The following PDE4B variants were observed in gnomAD, a reference collection of about 807,000 sequenced individuals.
The protein encoded by PDE4B is phosphodiesterase 4B.
A neutral mutation model predicts 82.2 loss-of-function variants in PDE4B; 20 were observed. The observed-to-expected ratio is 0.24, with a 90% CI of 0.17 to 0.35. The LOEUF (loss-of-function observed/expected upper bound fraction) is 0.35. PDE4B is among the 10% of genes least tolerant of loss of function. The pLI, the probability that PDE4B is intolerant of heterozygous loss-of-function variation, is 1.00. For missense variants in PDE4B, 655 were observed against 907.2 expected, an observed-to-expected ratio of 0.72 and a Z score of 3.57; for synonymous variants, 320 against 318.9, an observed-to-expected ratio of 1.00 and a Z score of -0.04.
intron 8 of PDE4B, among the ~76,000 whole-genome samples, chr1:66,348,382 C>A (rs1016085661): frequency 3.9e-5 from 6 of 152,126 alleles, no homozygotes; most frequent in Non-Finnish European, 8.8e-5. Context: ...AGATCATCAT[C>A]TCAAATCTTC....
intron 3 of PDE4B, among the ~76,000 whole-genome samples, chr1:66,166,725 C>T (rs1332662424): frequency 1.4e-5 from 2 of 145,686 alleles, no homozygotes; most frequent in Non-Finnish European, 3.0e-5. Flanking sequence ...TAGAGCAAGA[C>T]TCTGTCTCAA....
chr1:66,042,271 T>C (rs952442890), intron 3 of PDE4B, among the ~76,000 whole-genome samples: 3 of 151,862 alleles, frequency 2.0e-5, no homozygotes, highest in African/African-American at 7.2e-5. Flanking sequence ...GTTTTCCTCA[T>C]GTGTTTTCCA....
intron 3 of PDE4B, among the ~76,000 whole-genome samples, chr1:66,084,730 T>G (rs1570182431): frequency 6.6e-6 from 1 of 152,104 alleles, no homozygotes; most frequent in Non-Finnish European, 1.5e-5. Context: ...TTTTTTCAGG[T>G]ATGTGATAGT....
intron 8 of PDE4B, among the ~76,000 whole-genome samples, chr1:66,343,139 T>C (rs554720111): frequency 6.6e-6 from 1 of 152,168 alleles, no homozygotes; most frequent in Non-Finnish European, 1.5e-5. Context: ...GCTAGGAGAA[T>C]CATTTGTGTA....
At chr1:66,265,926 A>G (rs112403783) in intron 6 of PDE4B, 112 bp from the exon 7 acceptor site, 27 of 776,234 alleles carry the variant, frequency 3.5e-5, no homozygotes, top group African/African-American at 1.5e-4. Context: ...ATGTCACTAC[A>G]TAGTTCATTA....
intron 7 of PDE4B, among the ~76,000 whole-genome samples, chr1:66,311,807 G>A (rs1455646838): frequency 6.6e-6 from 1 of 152,214 alleles, no homozygotes; most frequent in Admixed American, 6.5e-5. Flanking sequence ...ATGGTACAGT[G>A]GCAGAGAGTG....
At chr1:65,898,509 G>A (rs181674797) in intron 1 of PDE4B, among the ~76,000 whole-genome samples, 33 of 152,064 alleles carry the variant, frequency 2.2e-4, no homozygotes, top group African/African-American at 7.9e-4. Context: ...CATAGCCAAA[G>A]CAAGACTAAG....
intron 3 of PDE4B, among the ~76,000 whole-genome samples, chr1:66,090,531 TATC>T (rs1480174185): frequency 6.6e-6 from 1 of 150,518 alleles, no homozygotes; most frequent in Non-Finnish European, 1.5e-5. Flanking sequence ...TTATAAGTGT[TATC>T]ATAGTCAAAT....
chr1:65,993,204 C>A, intron 3 of PDE4B: 2 of 1,245,002 alleles, frequency 1.6e-6, no homozygotes, highest in Non-Finnish European at 2.3e-6. Context: ...CACCAGTGAT[C>A]TAGCAGTGTA....
At chr1:66,009,124 A>G (rs917881212) in intron 3 of PDE4B, among the ~76,000 whole-genome samples, 7 of 152,170 alleles carry the variant, frequency 4.6e-5, no homozygotes, top group African/African-American at 1.7e-4. Flanking sequence ...AACATGTTCC[A>G]AATCTTTTCC....
intron 3 of PDE4B, among the ~76,000 whole-genome samples, chr1:66,209,149 T>C (rs1223677185): frequency 6.6e-6 from 1 of 152,214 alleles, no homozygotes; most frequent in South Asian, 2.1e-4. Flanking sequence ...GCAGTGACAA[T>C]TTCTTACCAC....
At chr1:65,968,849 T>G (rs113378204) in intron 3 of PDE4B, among the ~76,000 whole-genome samples, 144 of 152,308 alleles carry the variant, frequency 9.5e-4, no homozygotes, top group Non-Finnish European at 1.6e-3. Context: ...CATATTGTCA[T>G]GTAATTATGA....
At chr1:66,332,414 A>T (rs201181666) in intron 7 of PDE4B, 94 bp from the exon 8 acceptor site, 6 of 1,614,172 alleles carry the variant, frequency 3.7e-6, no homozygotes, top group Non-Finnish European at 5.1e-6. Flanking sequence ...GGGCACCTTC[A>T]GTAGCACCGG....
At chr1:66,320,821 A>G (rs1659346746) in intron 7 of PDE4B, among the ~76,000 whole-genome samples, 1 of 152,200 alleles carries the variant, frequency 6.6e-6, no homozygotes, top group Admixed American at 6.5e-5. Context: ...TCTTAGAGGA[A>G]GGAGGCTTAA....
chr1:66,350,351 C>T (rs1445555032), intron 8 of PDE4B, among the ~76,000 whole-genome samples: 1 of 152,120 alleles, frequency 6.6e-6, no homozygotes, highest in East Asian at 1.9e-4. Context: ...TAACTAACTG[C>T]TGGGGCTGCC....
intron 12 of PDE4B, among the ~76,000 whole-genome samples, chr1:66,364,782 A>G (rs1663108401): frequency 6.6e-6 from 1 of 152,172 alleles, no homozygotes; most frequent in African/African-American, 2.4e-5. Context: ...ACTGTTATTA[A>G]TAGTATACCT....
chr1:65,993,197 C>A (rs1374357275), intron 3 of PDE4B: 4 of 1,304,130 alleles, frequency 3.1e-6, no homozygotes, highest in South Asian at 1.3e-5. Context: ...GCATTAGCAC[C>A]AGTGATCTAG....
intron 3 of PDE4B, among the ~76,000 whole-genome samples, chr1:66,089,759 T>C (rs1644975151): frequency 6.6e-6 from 1 of 152,130 alleles, no homozygotes; most frequent in Non-Finnish European, 1.5e-5. Flanking sequence ...AGCTGATTGT[T>C]CTGTGTATTA....
intron 1 of PDE4B, among the ~76,000 whole-genome samples, chr1:65,810,013 G>C (rs1254416460): frequency 6.6e-6 from 1 of 152,208 alleles, no homozygotes; most frequent in Non-Finnish European, 1.5e-5. Context: ...TGCAGCCAAG[G>C]GCTGCACTCT....
Sources: gnomAD v4.1 joint callset for allele counts (sites outside exome capture counted in the v4.1 genomes callset) on GRCh38, gnomAD v4.1.1 for gene constraint, MANE v1.5 for transcripts, NCBI Gene and HGNC (gene_info 2026-07-23, HGNC 2026-07-21) for gene names.